Variants in EML1 observed in about 807,000 individuals in gnomAD.
EML1 encodes the protein echinoderm microtubule-associated protein-like 1.
Under a neutral mutation model 110.4 loss-of-function variants are expected in EML1, and 27 were observed. The ratio of observed to expected loss-of-function variants is 0.24; its 90% CI spans 0.18 to 0.34. EML1 has a LOEUF of 0.34. EML1 is among the 10% of genes least tolerant of loss of function. The pLI is 1.00. For missense variants in EML1, 741 were observed against 1,030.9 expected (o/e 0.72, Z 3.85); for synonymous variants, 344 against 385.8 (o/e 0.89, Z 1.27).
At chr14:99,860,079 G>T (rs1011865119) in intron 2 of EML1, among the ~76,000 whole-genome samples, 1 of 152,102 alleles carries the variant, frequency 6.6e-6, no homozygotes, top group African/African-American at 2.4e-5. Flanking sequence ...GTCCAGTCCT[G>T]TCTGCCTTGA....
intron 1 of EML1, among the ~76,000 whole-genome samples, chr14:99,803,794 GA>G (rs1396980619): frequency 6.6e-6 from 1 of 152,206 alleles, no homozygotes; most frequent in East Asian, 1.9e-4. Context: ...ACCATTCTTA[GA>G]AAAATATGTT....
At chr14:99,933,043 G>A (rs2060401850) in intron 17 of EML1, among the ~76,000 whole-genome samples, 1 of 152,142 alleles carries the variant, frequency 6.6e-6, no homozygotes, top group South Asian at 2.1e-4. Flanking sequence ...GGAGGTCAAG[G>A]CTGTAGTAAG....
chr14:99,924,700 A>G (rs2060202195), intron 17 of EML1, among the ~76,000 whole-genome samples: 1 of 152,146 alleles, frequency 6.6e-6, no homozygotes, highest in African/African-American at 2.4e-5. Context: ...GAGAAAAAGC[A>G]TTCAGTCTTT....
intron 8 of EML1, among the ~76,000 whole-genome samples, chr14:99,898,672 A>C (rs2059710794): frequency 6.6e-6 from 1 of 151,832 alleles, no homozygotes; most frequent in African/African-American, 2.4e-5. Context: ...GAATCACTTG[A>C]ACCCGGGAGG....
At chr14:99,879,077 A>G (rs1039618140) in intron 4 of EML1, among the ~76,000 whole-genome samples, 7 of 152,210 alleles carry the variant, frequency 4.6e-5, no homozygotes, top group African/African-American at 1.7e-4. Context: ...GCTATGTTTC[A>G]TATTGATGCT....
chr14:99,738,637 T>C (rs1224204627), intron 1 of EML1, among the ~76,000 whole-genome samples: 6 of 152,238 alleles, frequency 3.9e-5, no homozygotes, highest in African/African-American at 1.4e-4. Flanking sequence ...TTAACTTCTC[T>C]GAGCCTCCGT....
At chr14:99,857,961 G>C (rs779775446) in intron 2 of EML1, among the ~76,000 whole-genome samples, 1 of 152,084 alleles carries the variant, frequency 6.6e-6, no homozygotes, top group African/African-American at 2.4e-5. Context: ...AAATGAAAAC[G>C]CATGGTACAA....
At chr14:99,808,615 G>A (rs1246552300) in intron 1 of EML1, among the ~76,000 whole-genome samples, 1 of 152,110 alleles carries the variant, frequency 6.6e-6, no homozygotes, top group Non-Finnish European at 1.5e-5. Flanking sequence ...GTCTCTAAAT[G>A]CAGGCCAACC....
intron 1 of EML1, among the ~76,000 whole-genome samples, chr14:99,817,997 T>TG (rs1247379149): frequency 6.6e-6 from 1 of 151,744 alleles, no homozygotes; most frequent in African/African-American, 2.4e-5. Context: ...TTAAAGAAGA[T>TG]GGGGGAGGTG....
At chr14:99,930,755 G>A (rs1042576511) in intron 17 of EML1, among the ~76,000 whole-genome samples, 18 of 152,120 alleles carry the variant, frequency 1.2e-4, no homozygotes, top group Non-Finnish European at 2.4e-4. Flanking sequence ...CTTTTTTAAA[G>A]AACAGAAATA....
At chr14:99,744,325 G>GT (rs1405134638) in intron 1 of EML1, among the ~76,000 whole-genome samples, 1 of 152,102 alleles carries the variant, frequency 6.6e-6, no homozygotes, top group Non-Finnish European at 1.5e-5. Context: ...AAAGACCAAT[G>GT]TTTTCCCAGT....
intron 17 of EML1, among the ~76,000 whole-genome samples, chr14:99,933,064 A>G (rs554951259): frequency 2.0e-5 from 3 of 152,292 alleles, no homozygotes; most frequent in African/African-American, 7.2e-5. Context: ...CTGGGATTGT[A>G]CTACTGCACT....
chr14:99,826,105 A>ATTTTTTTTTTTTTTTTTTTTTTTT (rs71113225), intron 1 of EML1, among the ~76,000 whole-genome samples: 4 of 79,968 alleles, frequency 5.0e-5, no homozygotes, highest in African/African-American at 1.5e-4. Flanking sequence ...CTGTGCATTG[A>ATTTTTTTTTTTTTTTTTTTTTTTT]TTTTTTTTTT....
rs369035824 is a variant in EML1, at chr14:99,750,171, A to G, written c.28+12311A>G. ...CGGGTGGAAAACAAATCCATCTCTAACAGCAGGCTCACTAGGTTGCCCCGG... is the reference window on the plus strand; with the variant it reads ...CGGGTGGAAAACAAATCCATCTCTAGCAGCAGGCTCACTAGGTTGCCCCGG... On this transcript the variant is annotated intron_variant, in intron 1 of 10. Transcript: ENST00000554479. 1.0e-3 allele frequency among the ~76,000 whole-genome samples: 155 copies of G among 152,330 alleles called. 1 individual carries two copies. Among genetic ancestry groups the G allele is most frequent in the African/African-American group, 3.3e-3 (139 of 41,564 alleles).
At chr14:99,783,552 T>A (rs1382424806) in intron 1 of EML1, among the ~76,000 whole-genome samples, 1 of 150,476 alleles carries the variant, frequency 6.6e-6, no homozygotes, top group Non-Finnish European at 1.5e-5. Flanking sequence ...TGGTGTGATC[T>A]CAGCTCACTG....
intron 1 of EML1, among the ~76,000 whole-genome samples, chr14:99,767,338 T>C (rs1269096923): frequency 6.6e-6 from 1 of 152,252 alleles, no homozygotes; most frequent in African/African-American, 2.4e-5. Context: ...GCACGGTGGC[T>C]CACGCCTGTA....
upstream of EML1, among the ~76,000 whole-genome samples, chr14:99,792,424 C>T (rs992537579): frequency 2.0e-5 from 3 of 152,200 alleles, no homozygotes; most frequent in Admixed American, 6.5e-5. Flanking sequence ...TTGCTTCCCA[C>T]TCGTTATTTG....
chr14:99,923,456 A>G (rs977456048), intron 17 of EML1, among the ~76,000 whole-genome samples: 1 of 95,404 alleles, frequency 1.0e-5, no homozygotes, highest in African/African-American at 1.0e-4. Flanking sequence ...ACAAGAGTAC[A>G]CTAGACTTGT....
At chr14:99,840,956 A>G (rs2058622757) in intron 1 of EML1, among the ~76,000 whole-genome samples, 1 of 152,234 alleles carries the variant, frequency 6.6e-6, no homozygotes, top group Non-Finnish European at 1.5e-5. Flanking sequence ...GCAGAGCTAC[A>G]AGGTCTTCTT....
Sources: allele counts gnomAD v4.1 joint callset (sites outside exome capture counted in the v4.1 genomes callset), GRCh38; gene constraint gnomAD v4.1.1; transcripts MANE v1.5; gene names NCBI Gene and HGNC (gene_info 2026-07-23, HGNC 2026-07-21).